Variants in RALGAPA2 observed in about 807,000 individuals in gnomAD.
RALGAPA2 encodes Ral GTPase activating protein catalytic subunit alpha 2.
Under a neutral mutation model 230.4 loss-of-function variants are expected in RALGAPA2, and 139 were observed. That is an observed-to-expected ratio of 0.60 (90% confidence interval 0.53 to 0.69). RALGAPA2 has a LOEUF of 0.69. Among genes scored for constraint, RALGAPA2 ranks in the 30% least tolerant of loss-of-function variants. RALGAPA2 has a pLI of 0.00. For synonymous variants in RALGAPA2, 847 were observed against 837.8 expected (o/e 1.01, Z -0.19); for missense variants, 2,163 against 2,276.0 (o/e 0.95, Z 1.01).
intron 3 of RALGAPA2, among the ~76,000 whole-genome samples, chr20:20,671,028 T>C (rs2068119626): frequency 6.6e-6 from 1 of 151,260 alleles, no homozygotes; most frequent in African/African-American, 2.4e-5. Context: ...TATCTGAAGC[T>C]ACAGGCAAAG....
At chr20:20,584,802 G>A (rs2065084396) in intron 19 of RALGAPA2, 63 bp downstream of exon 19, 3 of 1,250,604 alleles carry the variant, frequency 2.4e-6, no homozygotes, top group Non-Finnish European at 3.4e-6. Context: ...ATAATAAAAT[G>A]TAAAAAGAAA....
At chr20:20,435,201 T>A (rs994168041) in intron 37 of RALGAPA2, among the ~76,000 whole-genome samples, 1 of 152,204 alleles carries the variant, frequency 6.6e-6, no homozygotes, top group African/African-American at 2.4e-5. Context: ...TGATGCCAGA[T>A]CCCCTGGCTC....
intron 37 of RALGAPA2, among the ~76,000 whole-genome samples, chr20:20,419,193 G>A (rs780747745): frequency 5.3e-5 from 8 of 152,206 alleles, no homozygotes; most frequent in Non-Finnish European, 1.2e-4. Context: ...ATTGGCTGGT[G>A]CAAGTGGGTG....
At chr20:20,634,094 T>C (rs1034325509) in intron 9 of RALGAPA2, among the ~76,000 whole-genome samples, 1 of 152,218 alleles carries the variant, frequency 6.6e-6, no homozygotes, top group Non-Finnish European at 1.5e-5. Flanking sequence ...GGTTTGTATC[T>C]TGATACTTTT....
At chr20:20,658,875 T>C (rs2067678391) in intron 3 of RALGAPA2, among the ~76,000 whole-genome samples, 1 of 152,236 alleles carries the variant, frequency 6.6e-6, no homozygotes, top group Non-Finnish European at 1.5e-5. Context: ...GGATTCACAC[T>C]TGATTTCAAT....
At position 20,677,628 on chromosome 20, in the gene RALGAPA2, CA is replaced by C. The variant is rs1283817833; in HGVS notation, c.218-1341del. 3.1e-3 allele frequency among the ~76,000 whole-genome samples: 379 copies of C among 121,802 alleles called. 10 individuals carry two copies. The highest frequency in any genetic ancestry group is 0.01 in the African/African-American group (308 of 29,602). The allele number at this position is 121,802 out of a possible 152,430, so 79.9% of individuals were successfully genotyped here. On this transcript the variant is annotated intron_variant, in intron 2 of 39. Transcript: ENST00000202677. The stretch of plus-strand genomic sequence containing the variant: ...AGCAGCCAAGAATCATGATTTGACC[CA>C]TTTTTTTTTTTTTTTTTTTTTTTTT...
intron 1 of RALGAPA2, among the ~76,000 whole-genome samples, chr20:20,688,688 T>A (rs1316714493): frequency 6.6e-6 from 1 of 152,168 alleles, no homozygotes; most frequent in African/African-American, 2.4e-5. Context: ...GTGTCAGGTC[T>A]CCATTCAGCC....
intron 1 of RALGAPA2, among the ~76,000 whole-genome samples, chr20:20,702,052 AAAAGAAAG>A (rs1323633284): frequency 2.0e-5 from 3 of 152,064 alleles, no homozygotes; most frequent in South Asian, 2.1e-4. Context: ...TAAAAAAAAA[AAAAGAAAG>A]AAAGAAAGAA....
At chr20:20,629,167 T>C (rs2066586802) in intron 10 of RALGAPA2, among the ~76,000 whole-genome samples, 196 bp downstream of exon 10, 1 of 152,216 alleles carries the variant, frequency 6.6e-6, no homozygotes, top group African/African-American at 2.4e-5. Flanking sequence ...CAACAAAATT[T>C]AAAAATCACA....
chr20:20,540,443 A>G (rs2063613215), intron 24 of RALGAPA2, among the ~76,000 whole-genome samples: 1 of 152,248 alleles, frequency 6.6e-6, no homozygotes, highest in Non-Finnish European at 1.5e-5. Context: ...CTAAAGACCA[A>G]GCAAATTCGA....
chr20:20,408,673 G>T (rs2059995671), intron 38 of RALGAPA2, among the ~76,000 whole-genome samples: 1 of 152,086 alleles, frequency 6.6e-6, no homozygotes, highest in African/African-American at 2.4e-5. Flanking sequence ...CTCTCTGCCG[G>T]TCCCTCTTTC....
chr20:20,487,955 A>C (rs2123525838), intron 36 of RALGAPA2, among the ~76,000 whole-genome samples: 1 of 151,888 alleles, frequency 6.6e-6, no homozygotes, highest in Non-Finnish European at 1.5e-5. Context: ...AGACTTTGTT[A>C]AGAACAAAAT....
intron 35 of RALGAPA2, among the ~76,000 whole-genome samples, chr20:20,502,861 T>C (rs1322041327): frequency 1.3e-5 from 2 of 152,170 alleles, no homozygotes; most frequent in Non-Finnish European, 2.9e-5. Flanking sequence ...GAGGCAAACA[T>C]CCTGCAGGTT....
At chr20:20,431,622 A>G (rs1055529938) in intron 37 of RALGAPA2, among the ~76,000 whole-genome samples, 4 of 152,218 alleles carry the variant, frequency 2.6e-5, no homozygotes, top group Non-Finnish European at 5.9e-5. Flanking sequence ...GGCCATATGC[A>G]AAAAAATTAA....
At position 20,466,676 on chromosome 20, in the gene RALGAPA2, G is replaced by A. The variant is rs1232313272; in HGVS notation, c.5495+6153C>T. ...CGTAGTTCCTGTGACTGGACCTCAT[G>A]TTTCCTATGCAGAGGTCTCAAGAGA... On this transcript the variant is annotated intron_variant, in intron 37 of 39. Transcript: ENST00000202677. Among the ~76,000 whole-genome samples, 5 of 152,316 alleles carry A rather than the reference G, an allele frequency of 3.3e-5. No homozygotes were observed. The East Asian group carries it at 5.8e-4, about 18-fold the overall frequency.
At chr20:20,675,886 A>T (rs2068306978) in intron 3 of RALGAPA2, among the ~76,000 whole-genome samples, 2 of 152,220 alleles carry the variant, frequency 1.3e-5, no homozygotes, top group East Asian at 1.9e-4. Context: ...GGGTTTTTAA[A>T]TTTTTTTATT....
intron 37 of RALGAPA2, among the ~76,000 whole-genome samples, chr20:20,463,438 C>T (rs190672949): frequency 2.6e-5 from 4 of 152,046 alleles, no homozygotes; most frequent in Admixed American, 1.3e-4. Flanking sequence ...ACAAAGGAGC[C>T]GTGTGATATA....
chr20:20,553,960 T>G (rs979140678), intron 23 of RALGAPA2, among the ~76,000 whole-genome samples: 1 of 152,222 alleles, frequency 6.6e-6, no homozygotes, highest in African/African-American at 2.4e-5. Flanking sequence ...CTCACTAATC[T>G]GTCTAAACTG....
rs746713884 is a variant in RALGAPA2, at chr20:20,486,239, AT to A, written c.5367+8877del. ...TGGGTCCATCTTTATGACTTCTATAATTTTTTTTTTTTTTTATGATGAAGGA... is the reference window on the plus strand; with the variant it reads ...TGGGTCCATCTTTATGACTTCTATAATTTTTTTTTTTTTTATGATGAAGGA... On this transcript the variant is annotated intron_variant, in intron 36 of 39. Transcript: ENST00000202677. Among the ~76,000 whole-genome samples, 846 of 143,368 alleles carry A rather than the reference AT, an allele frequency of 5.9e-3. 3 individuals are homozygous for A. The highest frequency in any genetic ancestry group is 0.015 in the African/African-American group (574 of 39,380). 94.1% of individuals were successfully genotyped at this position (143,368 alleles called of 152,430 possible). A position where few individuals can be genotyped will look rare whatever the true frequency, so the allele number is the denominator to read the frequency against.
Sources: gnomAD v4.1 joint callset for allele counts (sites outside exome capture counted in the v4.1 genomes callset) on GRCh38, gnomAD v4.1.1 for gene constraint, MANE v1.5 for transcripts, NCBI Gene and HGNC (gene_info 2026-07-23, HGNC 2026-07-21) for gene names.